Variants in ATP8A2 observed in about 807,000 individuals in gnomAD.
ATP8A2 encodes ATPase phospholipid transporting 8A2.
A neutral mutation model predicts 165.6 loss-of-function variants in ATP8A2; 100 were observed. That is an observed-to-expected ratio of 0.60 (90% confidence interval 0.51 to 0.71). ATP8A2 has a LOEUF of 0.71. ATP8A2 is among the 30% of genes least tolerant of loss of function. ATP8A2 has a pLI of 0.00. For synonymous variants in ATP8A2, 543 were observed against 548.8 expected, an observed-to-expected ratio of 0.99 and a Z score of 0.15; for missense variants, 1,227 against 1,479.5, an observed-to-expected ratio of 0.83 and a Z score of 2.80.
chr13:25,668,419 A>G (rs1336257145), intron 24 of ATP8A2, among the ~76,000 whole-genome samples: 1 of 152,100 alleles, frequency 6.6e-6, no homozygotes, highest in Non-Finnish European at 1.5e-5. Context: ...GCTTGTGTAT[A>G]ATAAGTTGCC....
chr13:25,814,473 C>T (rs1387710392), intron 27 of ATP8A2, among the ~76,000 whole-genome samples: 3 of 151,982 alleles, frequency 2.0e-5, no homozygotes, highest in African/African-American at 4.8e-5. Context: ...GATTTCAGAA[C>T]TTACTACAGA....
intron 35 of ATP8A2, among the ~76,000 whole-genome samples, chr13:25,993,876 A>G (rs1290005830): frequency 6.6e-6 from 1 of 152,180 alleles, no homozygotes; most frequent in African/African-American, 2.4e-5. Context: ...ACGACAAAAA[A>G]TGGTTGAGAT....
In ATP8A2 at chr13:25,581,908, T is replaced by C; in HGVS notation, c.2097T>C (p.Ile699=). Residue 699 remains isoleucine, a synonymous_variant, in exon 23 of 37, where the codon ATT becomes ATC. Coordinates refer to ENST00000381655, the MANE Select transcript of ATP8A2 (RefSeq NM_016529.6). ...ETIATLLKAE[I]KIWVLTGDKQ... ...TCGCAACACTGTTGAAGGCAGAAAT[T>C]AAAATATGGGTGTTGACAGGAGACA... 6.2e-7 allele frequency: 1 copy of C among 1,613,876 alleles called. No homozygotes were observed. Among genetic ancestry groups the C allele is most frequent in the Non-Finnish European group, 8.5e-7 (1 of 1,179,798 alleles).
chr13:25,731,146 TA>T (rs1314533213), intron 25 of ATP8A2, among the ~76,000 whole-genome samples: 13 of 22,650 alleles, frequency 5.7e-4, no homozygotes, highest in South Asian at 2.8e-3. Flanking sequence ...GAGAGAGAAA[TA>T]AAAGAAAGAA....
chr13:25,690,688 A>C (rs2042704711), intron 24 of ATP8A2, among the ~76,000 whole-genome samples: 1 of 152,222 alleles, frequency 6.6e-6, no homozygotes, highest in Non-Finnish European at 1.5e-5. Flanking sequence ...GTTTGTGAGC[A>C]TGAAGAATAG....
In ATP8A2 at chr13:26,020,080, C is replaced by CA. The variant is rs1593727401; in HGVS notation, c.*99dup. 2.3e-6 allele frequency: 2 copies of CA among 883,016 alleles called. No homozygotes were observed. Among genetic ancestry groups the CA allele is most frequent in the East Asian group, 5.1e-5 (2 of 39,250 alleles). 54.7% of individuals were successfully genotyped at this position (883,016 alleles called of 1,614,324 possible). ...GTCAGAGAAGACTGGCGTCAGCAGCCAAAACACCAGGAAACACATTTCTGT... is the reference window on the plus strand; with the variant it reads ...GTCAGAGAAGACTGGCGTCAGCAGCCAAAAACACCAGGAAACACATTTCTGT... On this transcript the variant is annotated 3_prime_UTR_variant, in exon 37 of 37. Coordinates refer to ENST00000381655, the MANE Select transcript of ATP8A2 (RefSeq NM_016529.6).
intron 24 of ATP8A2, among the ~76,000 whole-genome samples, chr13:25,597,477 A>T (rs1031140430): frequency 6.6e-6 from 1 of 152,238 alleles, no homozygotes; most frequent in South Asian, 2.1e-4. Context: ...ATGTTGTGAG[A>T]AGGCCTATGG....
At chr13:25,490,891 G>T (rs1386641310) in intron 2 of ATP8A2, among the ~76,000 whole-genome samples, 2 of 151,756 alleles carry the variant, frequency 1.3e-5, no homozygotes, top group African/African-American at 4.8e-5. Context: ...ATAGGCACAC[G>T]TCACCATGCG....
chr13:25,645,858 TTCA>T (rs1364780249), intron 24 of ATP8A2, among the ~76,000 whole-genome samples: 1 of 152,334 alleles, frequency 6.6e-6, no homozygotes, highest in East Asian at 1.9e-4. Context: ...TGGTGAATGC[TTCA>T]TATGTGCTTG....
chr13:25,896,921 G>A (rs1593522916), intron 33 of ATP8A2, among the ~76,000 whole-genome samples: 1 of 152,112 alleles, frequency 6.6e-6, no homozygotes, highest in Admixed American at 6.5e-5. Flanking sequence ...TTGAGCCTAT[G>A]TGTGTCTCTG....
At position 25,372,448 on chromosome 13, in the gene ATP8A2, C is replaced by G. The variant is rs1187644886; in HGVS notation, c.76+160C>G. The stretch of plus-strand genomic sequence containing the variant: ...GGATCCGCCGACGCGGCGCGCTGGC[C>G]GCACGGGGGCTGGGCGTCGCTGCAC... On this transcript the variant is annotated intron_variant, in intron 1 of 36. Coordinates refer to ENST00000381655, the MANE Select transcript of ATP8A2 (RefSeq NM_016529.6). The surrounding 1 kb of genome is among the most constrained non-coding windows in gnomAD (Gnocchi z 4.8). Among the ~76,000 whole-genome samples, 1 of 152,118 alleles carries G rather than the reference C, an allele frequency of 6.6e-6. No individual in the cohort carries two copies. Among genetic ancestry groups the G allele is most frequent in the African/African-American group, 2.4e-5 (1 of 41,440 alleles).
At chr13:25,488,719 A>G (rs2036426884) in intron 2 of ATP8A2, among the ~76,000 whole-genome samples, 1 of 152,272 alleles carries the variant, frequency 6.6e-6, no homozygotes, top group South Asian at 2.1e-4. Flanking sequence ...GAAAAAAACC[A>G]AAAGCAGTCT....
intron 1 of ATP8A2, among the ~76,000 whole-genome samples, chr13:25,410,031 C>T (rs1210000900): frequency 6.7e-6 from 1 of 149,768 alleles, no homozygotes; most frequent in Non-Finnish European, 1.5e-5. Context: ...AAATCATTCT[C>T]CTAATGGGTT....
chr13:25,887,827 T>G (rs969249770), intron 33 of ATP8A2, among the ~76,000 whole-genome samples: 19 of 152,184 alleles, frequency 1.2e-4, no homozygotes, highest in African/African-American at 4.3e-4. Flanking sequence ...CCAGTTTGTT[T>G]GTGTTTTTTT....
intron 1 of ATP8A2, among the ~76,000 whole-genome samples, chr13:25,393,448 C>T (rs2137979682): frequency 6.6e-6 from 1 of 152,264 alleles, no homozygotes; most frequent in Non-Finnish European, 1.5e-5. Context: ...CAGGGTCTCA[C>T]TCTGTCACCC....
At chr13:25,658,509 C>T (rs1000679125) in intron 24 of ATP8A2, among the ~76,000 whole-genome samples, 6 of 151,960 alleles carry the variant, frequency 3.9e-5, no homozygotes, top group South Asian at 2.1e-4. Flanking sequence ...GGTGGTGGTG[C>T]GCACCTGTAA....
chr13:25,682,595 A>C (rs529079137), intron 24 of ATP8A2, among the ~76,000 whole-genome samples: 7 of 152,254 alleles, frequency 4.6e-5, no homozygotes, highest in African/African-American at 1.7e-4. Context: ...TTCTCCAGAA[A>C]GCCGTTATTT....
chr13:25,395,181 T>G (rs7334494), intron 1 of ATP8A2, among the ~76,000 whole-genome samples: 144,227 of 152,178 alleles, frequency 0.95, 68,493 homozygotes, highest in Non-Finnish European at 0.98. Flanking sequence ...GAACCTAGGA[T>G]GGTAGAGGGG....
chr13:25,378,888 T>C (rs2032737947), intron 1 of ATP8A2, among the ~76,000 whole-genome samples: 1 of 152,280 alleles, frequency 6.6e-6, no homozygotes, highest in South Asian at 2.1e-4. Context: ...TAATTACTAA[T>C]ATGCCTTTAG....
Sources: gnomAD v4.1 joint callset for allele counts (sites outside exome capture counted in the v4.1 genomes callset) on GRCh38, gnomAD v4.1.1 for gene constraint, Gnocchi (gnomAD v3.1) non-coding constraint, MANE v1.5 for transcripts, NCBI Gene and HGNC (gene_info 2026-07-23, HGNC 2026-07-21) for gene names.